TRIP4: variants seen among roughly 807,000 people sequenced by gnomAD.
TRIP4 encodes the protein activating signal cointegrator 1.
TRIP4 carries 54 observed loss-of-function variants against 81.8 expected under a neutral mutation model. The observed-to-expected ratio is 0.66, with a 90% CI of 0.53 to 0.83. The LOEUF (loss-of-function observed/expected upper bound fraction) is 0.83, where lower values mean the gene tolerates loss of function less well. Ranked by LOEUF, TRIP4 falls within the 40% of genes least tolerant of loss-of-function variation. The pLI is 0.00. For missense variants in TRIP4, 662 were observed against 683.6 expected (o/e 0.97, Z 0.35); for synonymous variants, 270 against 242.8 (o/e 1.11, Z -1.04).
chr15:64,413,158 C>T (rs1891806696), intron 7 of TRIP4, among the ~76,000 whole-genome samples: 1 of 152,162 alleles, frequency 6.6e-6, no homozygotes, highest in South Asian at 2.1e-4. Context: ...AGATGAGCTG[C>T]CATAGAATAC....
chr15:64,406,707 G>C (rs1891630491), intron 6 of TRIP4, among the ~76,000 whole-genome samples: 1 of 152,116 alleles, frequency 6.6e-6, no homozygotes, highest in African/African-American at 2.4e-5. Context: ...TATATCCCCT[G>C]GACAGTTATG....
intron 9 of TRIP4, among the ~76,000 whole-genome samples, chr15:64,420,673 G>A (rs1251436259): frequency 6.6e-6 from 1 of 151,928 alleles, no homozygotes; most frequent in African/African-American, 2.4e-5. Context: ...ACGGGCGCCC[G>A]CCACCATGCC....
At chr15:64,441,544 C>G (rs972657007) in intron 11 of TRIP4, among the ~76,000 whole-genome samples, 1 of 150,900 alleles carries the variant, frequency 6.6e-6, no homozygotes, top group African/African-American at 2.4e-5. Context: ...AAGGCCGAGG[C>G]AGGTGGATCA....
chr15:64,411,784 A>C (rs1328739199), intron 7 of TRIP4, among the ~76,000 whole-genome samples: 5 of 151,268 alleles, frequency 3.3e-5, no homozygotes. Flanking sequence ...GATTCACGCC[A>C]TTCTCCTGAC....
intron 12 of TRIP4, among the ~76,000 whole-genome samples, chr15:64,453,582 GGAA>G (rs1194579536): frequency 1.3e-5 from 2 of 152,156 alleles, no homozygotes; most frequent in Non-Finnish European, 2.9e-5. Context: ...TAAATCCCTG[GGAA>G]TGCCCTATGC....
intron 7 of TRIP4, 102 bp downstream of exon 7, chr15:64,409,930 G>C: frequency 9.5e-7 from 1 of 1,054,518 alleles, no homozygotes; most frequent in Non-Finnish European, 1.4e-6. Context: ...TTTAAAAAAT[G>C]TGTTTATTTG....
chr15:64,397,730 A>G lies in TRIP4; in HGVS notation c.530A>G (p.Lys177Arg), dbSNP rs143004733. ...GRHPCDCLGQKHKLINNCLIC... is the reference protein window; with the variant it reads ...GRHPCDCLGQRHKLINNCLIC... Reference sequence around the variant, plus strand: ...CACCCTTGTGATTGCCTGGGCCAGAAGCACAAGCTCATCAATAACTGTCTG... The same window carrying G: ...CACCCTTGTGATTGCCTGGGCCAGAGGCACAAGCTCATCAATAACTGTCTG... Residue 177 changes from lysine (K) to arginine (R), a missense_variant, in exon 4 of 13, where the codon AAG becomes AGG. Physicochemically the swap from Lys to Arg is conservative, Grantham distance 26 (BLOSUM62 2). Transcript: ENST00000261884. 2.2e-5 allele frequency: 35 copies of G among 1,614,102 alleles called. No homozygotes were observed. The East Asian group carries it at 2.2e-4, about 10-fold the overall frequency.
chr15:64,400,948 G>GT (rs1401070218), intron 5 of TRIP4, 127 bp downstream of exon 5: 6 of 646,010 alleles, frequency 9.3e-6, no homozygotes, highest in Non-Finnish European at 1.4e-5. Context: ...TTTTTTTGGG[G>GT]GGTTTTTTTT....
intron 3 of TRIP4, 45 bp downstream of exon 3, chr15:64,395,576 G>A: frequency 6.4e-7 from 1 of 1,573,640 alleles, no homozygotes; most frequent in South Asian, 1.2e-5. Context: ...TTGGAGAAGA[G>A]GAAGTGACTA....
chr15:64,395,374 A>AT (rs760500552), intron 2 of TRIP4, 24 bp from the exon 3 acceptor site: 25,739 of 1,060,866 alleles, frequency 0.024, no homozygotes, highest in South Asian at 0.03. Context: ...GTGTGTGTGT[A>AT]TTTTTTTTTT....
At position 64,418,563 on chromosome 15, in the gene TRIP4, C is replaced by T. The variant is rs1891937395; in HGVS notation, c.1193C>T (p.Ala398Val). The T allele has an allele frequency of 6.2e-7, 1 of 1,612,652 alleles. No individual in the cohort carries two copies. Among genetic ancestry groups the T allele is most frequent in the African/African-American group, 1.3e-5 (1 of 74,992 alleles). The part of the protein sequence containing the change: ...PPQWVDHTGA[A>V]SQKKAFRSSG... Reference sequence around the variant, plus strand: ...TAGTGGGTTGACCACACAGGTGCAGCCTCACAGAAGAAGGCTTTCCGTTCT... The same window carrying T: ...TAGTGGGTTGACCACACAGGTGCAGTCTCACAGAAGAAGGCTTTCCGTTCT... The change falls in exon 9 of 13, where the codon GCC (alanine) becomes GTC (valine). Residue 398 changes from alanine to valine, a missense_variant. By Grantham distance (64) the Ala-to-Val change is moderately conservative. Transcript: ENST00000261884.
rs758419619 is a variant in TRIP4, at chr15:64,418,562, G to A, written c.1192G>A (p.Ala398Thr). 1.9e-5 allele frequency: 30 copies of A among 1,612,630 alleles called. No homozygotes were observed. The Admixed American group carries it at 2.2e-4, about 12-fold the overall frequency. ...GTAGTGGGTTGACCACACAGGTGCAGCCTCACAGAAGAAGGCTTTCCGTTC... is the reference window on the plus strand; with the variant it reads ...GTAGTGGGTTGACCACACAGGTGCAACCTCACAGAAGAAGGCTTTCCGTTC... ...PPQWVDHTGA[A>T]SQKKAFRSSG... Residue 398 changes from alanine to threonine, a missense_variant, in exon 9 of 13, where the codon GCC becomes ACC. Transcript: ENST00000261884.
At chr15:64,390,977 A>G (rs1900110932) in intron 1 of TRIP4, among the ~76,000 whole-genome samples, 1 of 152,180 alleles carries the variant, frequency 6.6e-6, no homozygotes, top group Non-Finnish European at 1.5e-5. Context: ...TATTTGAAGC[A>G]TTTGTTAGGT....
rs745377188 is a variant in TRIP4 at position 64,454,990 on chromosome 15, CTTACAGGGAAA to C, written c.1679-4_1685del. The stretch of plus-strand genomic sequence containing the variant: ...TAAATAATGAGACTTATTTTTCTCC[CTTACAGGGAAA>C]TTGGATTCCAAGATCCATCAAGGAG... On this transcript the variant is annotated splice_acceptor_variant and splice_polypyrimidine_tract_variant and coding_sequence_variant and intron_variant, in exon 13 of 13. Coordinates refer to ENST00000261884, the MANE Select transcript of TRIP4 (RefSeq NM_016213.5). LOFTEE classifies it high-confidence loss of function. 5 of 1,613,488 alleles carry C rather than the reference CTTACAGGGAAA, an allele frequency of 3.1e-6. No individual in the cohort carries two copies. The African/African-American group carries it at 6.7e-5, about 22-fold the overall frequency.
At chr15:64,394,532 G>T (rs951764381) in intron 2 of TRIP4, among the ~76,000 whole-genome samples, 1 of 151,168 alleles carries the variant, frequency 6.6e-6, no homozygotes, top group East Asian at 2.0e-4. Flanking sequence ...GTGAACCTGG[G>T]AGGTGGAGCT....
intron 7 of TRIP4, among the ~76,000 whole-genome samples, chr15:64,410,031 T>G (rs1891726685): frequency 6.7e-6 from 1 of 150,088 alleles, no homozygotes; most frequent in Non-Finnish European, 1.5e-5. Flanking sequence ...TTGGTTTTTT[T>G]TTTTTTTTTT....
chr15:64,443,935 T>A (rs1167834431), intron 11 of TRIP4, among the ~76,000 whole-genome samples: 1 of 152,214 alleles, frequency 6.6e-6, no homozygotes, highest in Non-Finnish European at 1.5e-5. Context: ...CAGGGCCAGA[T>A]GCTAGTAAAA....
At chr15:64,404,172 G>A (rs1047711818) in intron 5 of TRIP4, among the ~76,000 whole-genome samples, 4 of 151,378 alleles carry the variant, frequency 2.6e-5, no homozygotes, top group African/African-American at 9.7e-5. Flanking sequence ...CCTGGGCAAC[G>A]AGAGTGAAAC....
At chr15:64,440,655 A>C (rs913965299) in intron 11 of TRIP4, among the ~76,000 whole-genome samples, 2 of 152,088 alleles carry the variant, frequency 1.3e-5, no homozygotes, top group African/African-American at 2.4e-5. Flanking sequence ...TTCACCTGGA[A>C]CTTTAATTTG....
Sources: gnomAD v4.1 joint callset for allele counts (sites outside exome capture counted in the v4.1 genomes callset) on GRCh38, gnomAD v4.1.1 for gene constraint, MANE v1.5 for transcripts, NCBI Gene and HGNC (gene_info 2026-07-23, HGNC 2026-07-21) for gene names.